The following GABRA3 variants were observed in gnomAD, a reference collection of about 807,000 sequenced individuals.
The protein encoded by GABRA3 is gamma-aminobutyric acid receptor subunit alpha-3.
GABRA3 carries 10 observed loss-of-function variants against 30.1 expected under a neutral mutation model. The observed-to-expected ratio is 0.33, with a 90% CI of 0.20 to 0.56. The LOEUF is 0.56. GABRA3 is among the 20% of genes least tolerant of loss of function. The pLI, the probability that GABRA3 is intolerant of heterozygous loss-of-function variation, is 0.89. For synonymous variants in GABRA3, 151 were observed against 146.8 expected, an observed-to-expected ratio of 1.03 and a Z score of -0.21; for missense variants, 233 against 392.0, an observed-to-expected ratio of 0.59 and a Z score of 3.42.
chrX:152,256,096 G>A (rs1451883790), intron 4 of GABRA3, 98 bp from the exon 5 acceptor site: 6 of 590,662 alleles, frequency 1.0e-5, no homozygotes, highest in Non-Finnish European at 1.7e-5. Flanking sequence ...TATTTCCTCT[G>A]ATGCAGAGAA....
intron 3 of GABRA3, among the ~76,000 whole-genome samples, chrX:152,329,746 A>G (rs1240088683): frequency 8.9e-6 from 1 of 112,128 alleles, no homozygotes; most frequent in East Asian, 2.8e-4. Context: ...TAAAAACCCT[A>G]GAAGAAAACC....
At chrX:152,394,262 C>G (rs1345854641) in intron 1 of GABRA3, 1 of 274,157 alleles carries the variant, frequency 3.6e-6, no homozygotes, top group Non-Finnish European at 7.3e-6. Context: ...GATTCAAATT[C>G]AGTCATTTTG....
intron 1 of GABRA3, among the ~76,000 whole-genome samples, chrX:152,430,910 C>A (rs992593909): frequency 5.5e-5 from 6 of 108,746 alleles, no homozygotes; most frequent in Non-Finnish European, 1.1e-4. Context: ...CAGATAGGGA[C>A]AACGAGCTAG....
chrX:152,223,265 T>C (rs141827719), intron 6 of GABRA3, among the ~76,000 whole-genome samples: 1,290 of 111,589 alleles, frequency 0.012, 14 homozygotes, highest in Non-Finnish European at 0.019. Context: ...TAGTTGTTAA[T>C]GAAGGGAACA....
intron 3 of GABRA3, among the ~76,000 whole-genome samples, chrX:152,324,864 T>A (rs1287952140): frequency 9.0e-6 from 1 of 111,706 alleles, no homozygotes; most frequent in African/African-American, 3.3e-5. Flanking sequence ...GATTGGCTGG[T>A]CAATGGTTGT....
chrX:152,355,415 G>A, intron 2 of GABRA3, among the ~76,000 whole-genome samples: 1 of 111,330 alleles, frequency 9.0e-6, no homozygotes, highest in Non-Finnish European at 1.9e-5. Flanking sequence ...ATCAGAGGAA[G>A]ACGAAAAGAC....
Position 152,191,244 on chromosome X carries a change from TAAC to T in GABRA3, c.932-1306_932-1304del, listed in dbSNP as rs778245913. Among the ~76,000 whole-genome samples, 4 of 110,839 alleles carry T rather than the reference TAAC, an allele frequency of 3.6e-5. No homozygotes were observed. In the East Asian group the frequency reaches 8.5e-4, roughly 24 times the overall value. On this transcript the variant is annotated intron_variant, in intron 8 of 9. Transcript: ENST00000370314. ...ATAATAGTATAAGTATAATCAATGTTAACAACAATATTATCATAATAATTTTAC... is the reference window on the plus strand; with the variant it reads ...ATAATAGTATAAGTATAATCAATGTTAACAATATTATCATAATAATTTTAC...
chrX:152,261,861 C>T (rs1938735747), intron 4 of GABRA3, among the ~76,000 whole-genome samples: 2 of 112,540 alleles, frequency 1.8e-5, no homozygotes, highest in South Asian at 7.3e-4. Context: ...CCTTCAACCC[C>T]ATATTTCCCT....
intron 2 of GABRA3, among the ~76,000 whole-genome samples, chrX:152,358,088 A>C (rs1310270880): frequency 1.8e-5 from 2 of 111,764 alleles, no homozygotes; most frequent in Non-Finnish European, 3.8e-5. Flanking sequence ...AGTTCAGTAA[A>C]GAATGTCATT....
At chrX:152,182,175 G>A (rs1352372935) in intron 9 of GABRA3, among the ~76,000 whole-genome samples, 1 of 109,050 alleles carries the variant, frequency 9.2e-6, no homozygotes, top group African/African-American at 3.3e-5. Context: ...TTAATGTGGT[G>A]TAGCATATTT....
At chrX:152,296,651 C>A (rs1360453851) in intron 3 of GABRA3, among the ~76,000 whole-genome samples, 1 of 110,584 alleles carries the variant, frequency 9.0e-6, no homozygotes, top group Admixed American at 9.6e-5. Flanking sequence ...GTGTCTAGTA[C>A]CTGGAATGTG....
chrX:152,436,757 T>C (rs1465169998), intron 1 of GABRA3, among the ~76,000 whole-genome samples: 2 of 111,078 alleles, frequency 1.8e-5, no homozygotes, highest in African/African-American at 6.5e-5. Context: ...ACCAAAGACA[T>C]AAATCAAAGA....
chrX:152,280,155 A>G (rs1939173141), intron 4 of GABRA3, among the ~76,000 whole-genome samples: 1 of 111,280 alleles, frequency 9.0e-6, no homozygotes, highest in African/African-American at 3.3e-5. Context: ...TATGTTGAAC[A>G]GGAGTGGTGA....
intron 2 of GABRA3, among the ~76,000 whole-genome samples, chrX:152,346,790 A>T: frequency 8.9e-6 from 1 of 112,044 alleles, no homozygotes; most frequent in Non-Finnish European, 1.9e-5. Context: ...CTACAATAAC[A>T]TATCATCTCA....
intron 5 of GABRA3, among the ~76,000 whole-genome samples, chrX:152,231,252 CGTATAT>C (rs1182885030): frequency 9.9e-6 from 1 of 101,289 alleles, no homozygotes; most frequent in Non-Finnish European, 2.1e-5. Context: ...TATACATACA[CGTATAT>C]GTATATATAC....
At chrX:152,235,576 T>C (rs1401161486) in intron 5 of GABRA3, among the ~76,000 whole-genome samples, 3 of 111,715 alleles carry the variant, frequency 2.7e-5, no homozygotes, top group Non-Finnish European at 5.6e-5. Context: ...TCAGTAACAT[T>C]TCTACACACT....
At chrX:152,276,405 A>C in intron 4 of GABRA3, among the ~76,000 whole-genome samples, 1 of 112,283 alleles carries the variant, frequency 8.9e-6, no homozygotes, top group Admixed American at 9.5e-5. Flanking sequence ...GCTCTCATAC[A>C]CTGCTATTGA....
chrX:152,374,337 CTTTTTTTTTTT>C (rs55927249), intron 1 of GABRA3, among the ~76,000 whole-genome samples: 1 of 41,678 alleles, frequency 2.4e-5, no homozygotes, highest in Non-Finnish European at 4.2e-5. Context: ...CTTTTCTTTT[CTTTTTTTTTTT>C]TTTTTTTTTT....
At chrX:152,373,114 TC>T (rs1377779907) in intron 1 of GABRA3, among the ~76,000 whole-genome samples, 1 of 112,031 alleles carries the variant, frequency 8.9e-6, no homozygotes, top group African/African-American at 3.2e-5. Context: ...TTGTGGCGTT[TC>T]TGTATACTAT....
Sources: gnomAD v4.1 joint callset for allele counts (sites outside exome capture counted in the v4.1 genomes callset) on GRCh38, gnomAD v4.1.1 for gene constraint, MANE v1.5 for transcripts, NCBI Gene and HGNC (gene_info 2026-07-23, HGNC 2026-07-21) for gene names.